EYA4: variants seen among roughly 807,000 people sequenced by gnomAD.
EYA4 encodes EYA transcriptional coactivator and phosphatase 4.
A neutral mutation model predicts 87.9 loss-of-function variants in EYA4; 31 were observed. The ratio of observed to expected loss-of-function variants is 0.35; its 90% confidence interval spans 0.27 to 0.48. The LOEUF is 0.48. Ranked by LOEUF, EYA4 falls within the 20% of genes least tolerant of loss-of-function variation. The pLI is 0.99. For missense variants in EYA4, 678 were observed against 761.4 expected, an observed-to-expected ratio of 0.89 and a Z score of 1.29; for synonymous variants, 263 against 270.6, an observed-to-expected ratio of 0.97 and a Z score of 0.28.
chr6:133,253,516 T>C (rs1378509044), intron 1 of EYA4, among the ~76,000 whole-genome samples: 1 of 152,166 alleles, frequency 6.6e-6, no homozygotes, highest in African/African-American at 2.4e-5. Context: ...GACTTACTTA[T>C]GAACATTTTA....
chr6:133,480,161 G>A (rs561612921), intron 11 of EYA4, among the ~76,000 whole-genome samples: 2 of 152,306 alleles, frequency 1.3e-5, no homozygotes, highest in South Asian at 4.1e-4. Context: ...AGGAATGGGA[G>A]AAGTACAGGA....
chr6:133,255,395 G>T (rs1283860563), intron 1 of EYA4, among the ~76,000 whole-genome samples: 4 of 152,074 alleles, frequency 2.6e-5, no homozygotes, highest in African/African-American at 9.7e-5. Context: ...ATCTTGGTTT[G>T]GTTGCTGGTC....
chr6:133,507,451 A>T (rs188853923), intron 14 of EYA4: 2 of 152,112 alleles, frequency 1.3e-5, no homozygotes, highest in African/African-American at 4.8e-5. Flanking sequence ...AGATATACAC[A>T]TGCTGTGGTG....
At chr6:133,502,904 C>T (rs1798260499) in intron 13 of EYA4, among the ~76,000 whole-genome samples, 2 of 152,102 alleles carry the variant, frequency 1.3e-5, no homozygotes, top group South Asian at 4.1e-4. Context: ...AGTTCACACT[C>T]CAGCAAACCA....
intron 2 of EYA4, among the ~76,000 whole-genome samples, chr6:133,329,366 G>T (rs1781745739): frequency 6.6e-6 from 1 of 152,046 alleles, no homozygotes; most frequent in African/African-American, 2.4e-5. Flanking sequence ...TGCTATAGAG[G>T]AATAAAGAAG....
chr6:133,485,452 T>A (rs1432625214), intron 13 of EYA4, among the ~76,000 whole-genome samples: 5 of 151,710 alleles, frequency 3.3e-5, no homozygotes, highest in African/African-American at 1.2e-4. Flanking sequence ...TGAGGAAACA[T>A]ATCCAGAGAA....
intron 2 of EYA4, among the ~76,000 whole-genome samples, chr6:133,314,231 C>T (rs986814303): frequency 1.2e-4 from 19 of 152,218 alleles, no homozygotes; most frequent in African/African-American, 4.6e-4. Context: ...ATATAAGTAG[C>T]ACCGTATGTG....
At chr6:133,404,750 T>A (rs1167423424) in intron 3 of EYA4, among the ~76,000 whole-genome samples, 8 of 152,332 alleles carry the variant, frequency 5.3e-5, no homozygotes, top group Middle Eastern at 3.4e-3. Flanking sequence ...AATACGACTT[T>A]CATTGAGTTT....
At chr6:133,503,121 C>T (rs1240806752) in intron 13 of EYA4, among the ~76,000 whole-genome samples, 1 of 152,130 alleles carries the variant, frequency 6.6e-6, no homozygotes, top group African/African-American at 2.4e-5. Flanking sequence ...CAGATTCTTG[C>T]ATTTTGCTTT....
chr6:133,499,950 T>A lies in EYA4; in HGVS notation c.1192-6156T>A, dbSNP rs148025295. ...CTCTGATTTTTCTTAACTATCCCAG[T>A]CTCTCATTATAATATCTTATAGACC... On this transcript the variant is annotated intron_variant, in intron 13 of 19. Transcript: ENST00000355286. 5.0e-3 allele frequency among the ~76,000 whole-genome samples: 755 copies of A among 151,818 alleles called. 4 individuals are homozygous for A. The highest frequency in any genetic ancestry group is 0.017 in the African/African-American group (699 of 41,362).
At chr6:133,517,016 C>T (rs1379827920) in intron 17 of EYA4, among the ~76,000 whole-genome samples, 1 of 152,076 alleles carries the variant, frequency 6.6e-6, no homozygotes, top group African/African-American at 2.4e-5. Context: ...GATTTATATG[C>T]CTTTGGGTAT....
intron 3 of EYA4, among the ~76,000 whole-genome samples, chr6:133,413,936 TC>T (rs1295402577): frequency 6.6e-6 from 1 of 152,234 alleles, no homozygotes; most frequent in African/African-American, 2.4e-5. Flanking sequence ...CCATCCTGAT[TC>T]TTTTTTCATG....
Position 133,339,896 on chromosome 6 carries a change from T to A in EYA4, c.34-42496T>A, listed in dbSNP as rs1234697585. Among the ~76,000 whole-genome samples, 3 of 152,250 alleles carry A rather than the reference T, an allele frequency of 2.0e-5. 1 individual carries two copies. Among genetic ancestry groups the A allele is most frequent in the East Asian group, 1.9e-4 (1 of 5,178 alleles). ...ACTGTGCTTACAAGGCAGAAATGCTTAGTAACATGATGTCAAATCATCAGG... is the reference window on the plus strand; with the variant it reads ...ACTGTGCTTACAAGGCAGAAATGCTAAGTAACATGATGTCAAATCATCAGG... On this transcript the variant is annotated intron_variant, in intron 2 of 19. Coordinates refer to ENST00000355286, the MANE Select transcript of EYA4 (RefSeq NM_004100.5).
At chr6:133,488,584 G>A (rs1031465109) in intron 13 of EYA4, among the ~76,000 whole-genome samples, 2 of 152,088 alleles carry the variant, frequency 1.3e-5, no homozygotes, top group African/African-American at 4.8e-5. Flanking sequence ...AGAAAGTAAG[G>A]GAATAGAACA....
chr6:133,354,675 C>T (rs961214992), intron 2 of EYA4, among the ~76,000 whole-genome samples: 1 of 151,998 alleles, frequency 6.6e-6, no homozygotes, highest in Non-Finnish European at 1.5e-5. Context: ...TAAGAATTTC[C>T]GTGAAAATTT....
chr6:133,445,583 T>C (rs1237218373), intron 3 of EYA4, among the ~76,000 whole-genome samples: 2 of 151,432 alleles, frequency 1.3e-5, no homozygotes, highest in Admixed American at 6.6e-5. Context: ...TTTTCTTTTT[T>C]TTTTTTTTCT....
At position 133,485,543 on chromosome 6, in the gene EYA4, G is replaced by T. The variant is rs148425326; in HGVS notation, c.1191+2428G>T. Among the ~76,000 whole-genome samples the T allele has an allele frequency of 2.3e-3, 348 of 152,300 alleles. 1 individual carries two copies. Among genetic ancestry groups the T allele is most frequent in the Non-Finnish European group, 4.2e-3 (288 of 68,034 alleles). On this transcript the variant is annotated intron_variant, in intron 13 of 19. Coordinates refer to ENST00000355286, the MANE Select transcript of EYA4 (RefSeq NM_004100.5). Reference sequence around the variant, plus strand: ...GGGCCCCAGATTCTTTGACCCTGAAGCCATGTTCTTTCTGCCATAGCACAT... The same window carrying T: ...GGGCCCCAGATTCTTTGACCCTGAATCCATGTTCTTTCTGCCATAGCACAT...
intron 2 of EYA4, among the ~76,000 whole-genome samples, chr6:133,355,923 A>C (rs1276881116): frequency 6.6e-6 from 1 of 152,140 alleles, no homozygotes; most frequent in African/African-American, 2.4e-5. Context: ...TAGGCAATAC[A>C]AATGCATTTC....
At chr6:133,353,442 G>T (rs1023701429) in intron 2 of EYA4, among the ~76,000 whole-genome samples, 13 of 152,042 alleles carry the variant, frequency 8.6e-5, no homozygotes, top group Non-Finnish European at 1.6e-4. Context: ...CCAAATTCTG[G>T]CTTACATATA....
Sources: allele counts gnomAD v4.1 joint callset (sites outside exome capture counted in the v4.1 genomes callset), GRCh38; gene constraint gnomAD v4.1.1; transcripts MANE v1.5; gene names NCBI Gene and HGNC (gene_info 2026-07-23, HGNC 2026-07-21).